ELOVL5: variants seen among roughly 807,000 people sequenced by gnomAD.
ELOVL5 encodes very long chain fatty acid elongase 5.
In ELOVL5, 8 loss-of-function variants were observed where a neutral mutation model predicts 38.6. The observed-to-expected ratio is 0.21, with a 90% CI of 0.12 to 0.37. The LOEUF (loss-of-function observed/expected upper bound fraction) is 0.37. ELOVL5 is among the 10% of genes least tolerant of loss of function. The pLI is 1.00. For missense variants in ELOVL5, 280 were observed against 367.8 expected (o/e 0.76, Z 1.95); for synonymous variants, 127 against 133.7 (o/e 0.95, Z 0.34).
At chr6:53,278,633 C>T (rs1391621947) in intron 3 of ELOVL5, among the ~76,000 whole-genome samples, 9 of 152,044 alleles carry the variant, frequency 5.9e-5, no homozygotes, top group Non-Finnish European at 1.3e-4. Context: ...GAACTTTTTT[C>T]ACTCCTGAAG....
chr6:53,294,276 G>T, intron 2 of ELOVL5: 1 of 1,557,876 alleles, frequency 6.4e-7, no homozygotes, highest in East Asian at 2.4e-5. Context: ...CCCCTCTGGT[G>T]GCTGGTTCAG....
intron 1 of ELOVL5, among the ~76,000 whole-genome samples, chr6:53,333,414 G>GA (rs991050861): frequency 6.6e-6 from 1 of 152,134 alleles, no homozygotes; most frequent in Non-Finnish European, 1.5e-5. Context: ...AAGAATGGGG[G>GA]AAAAAATCAT....
chr6:53,305,156 G>A lies in ELOVL5; in HGVS notation c.-8-9449C>T, dbSNP rs866009570. Among the ~76,000 whole-genome samples the A allele has an allele frequency of 3.8e-3, 544 of 143,632 alleles. 11 individuals carry two copies. The highest frequency in any genetic ancestry group is 0.013 in the African/African-American group (511 of 38,456). The allele number at this position is 143,632 out of a possible 152,430, so 94.2% of individuals were successfully genotyped here. ...GGGGCGGCTCGCCGGGCAGGGGGCT[G>A]ACCCCCCCACCTCCCTCCCGGACGG... On this transcript the variant is annotated intron_variant, in intron 1 of 7. Coordinates refer to ENST00000304434, the MANE Select transcript of ELOVL5 (RefSeq NM_021814.5).
At chr6:53,322,814 TCAAA>T (rs1768352330) in intron 1 of ELOVL5, among the ~76,000 whole-genome samples, 1 of 152,226 alleles carries the variant, frequency 6.6e-6, no homozygotes, top group Admixed American at 6.5e-5. Context: ...TGTTACAGCA[TCAAA>T]CAAAGCTTGC....
chr6:53,322,173 G>C (rs999872256), intron 1 of ELOVL5, among the ~76,000 whole-genome samples: 10 of 152,128 alleles, frequency 6.6e-5, no homozygotes, highest in African/African-American at 2.4e-4. Flanking sequence ...TTAAAAAACT[G>C]AATCTACAAA....
intron 1 of ELOVL5, among the ~76,000 whole-genome samples, chr6:53,329,818 C>A (rs979082541): frequency 6.6e-6 from 1 of 151,876 alleles, no homozygotes; most frequent in Admixed American, 6.6e-5. Context: ...AGCAAGACTT[C>A]GTCTCAGAAA....
intron 1 of ELOVL5, among the ~76,000 whole-genome samples, chr6:53,339,803 G>A (rs1363955251): frequency 6.6e-6 from 1 of 152,138 alleles, no homozygotes; most frequent in Non-Finnish European, 1.5e-5. Flanking sequence ...CATTAATTGA[G>A]TGTACACCTT....
intron 1 of ELOVL5, among the ~76,000 whole-genome samples, chr6:53,302,510 A>G (rs1282559978): frequency 6.6e-6 from 1 of 152,152 alleles, no homozygotes; most frequent in Admixed American, 6.6e-5. Context: ...CGTCTCAAGG[A>G]GAGTGCAAAT....
At chr6:53,313,651 C>G (rs1444672555) in intron 1 of ELOVL5, among the ~76,000 whole-genome samples, 1 of 152,218 alleles carries the variant, frequency 6.6e-6, no homozygotes, top group African/African-American at 2.4e-5. Flanking sequence ...CATGAGCCAC[C>G]ATGCCTGGCT....
At chr6:53,310,435 A>AGGG (rs70980839) in intron 1 of ELOVL5, among the ~76,000 whole-genome samples, 2 of 151,240 alleles carry the variant, frequency 1.3e-5, no homozygotes, top group East Asian at 1.9e-4. Context: ...TTCTTGGGGG[A>AGGG]TTTTCCGGGA....
chr6:53,291,214 A>G (rs558059099), intron 3 of ELOVL5, among the ~76,000 whole-genome samples: 10 of 152,226 alleles, frequency 6.6e-5, no homozygotes, highest in Non-Finnish European at 1.5e-4. Context: ...GTGATATAAA[A>G]TAACTGGGCC....
chr6:53,319,293 A>C (rs1581974237), intron 1 of ELOVL5, among the ~76,000 whole-genome samples: 1 of 36,208 alleles, frequency 2.8e-5, no homozygotes, highest in Admixed American at 2.8e-4. Flanking sequence ...AAAAAAAAAA[A>C]AAAAAAAAAA....
At chr6:53,340,172 A>T (rs895423420) in intron 1 of ELOVL5, among the ~76,000 whole-genome samples, 1 of 152,144 alleles carries the variant, frequency 6.6e-6, no homozygotes, top group Non-Finnish European at 1.5e-5. Flanking sequence ...AAAAAAGTTT[A>T]AAAAATTTAT....
At chr6:53,298,905 G>GT (rs1334270313) in intron 1 of ELOVL5, among the ~76,000 whole-genome samples, 3 of 149,602 alleles carry the variant, frequency 2.0e-5, no homozygotes, top group Non-Finnish European at 4.4e-5. Context: ...CAAGGCGGGG[G>GT]GGGGGAGTTG....
chr6:53,294,458 G>A lies in ELOVL5; in HGVS notation c.58+1184C>T, dbSNP rs1226377180. ...TAGCCATCCTACAACTGTGTGAAGTGGGGGACCCATTCTGAGGACAGAGCT... is the reference window on the plus strand; with the variant it reads ...TAGCCATCCTACAACTGTGTGAAGTAGGGGACCCATTCTGAGGACAGAGCT... On this transcript the variant is annotated intron_variant, in intron 2 of 7. Transcript: ENST00000304434. 4 of 1,550,538 alleles carry A rather than the reference G, an allele frequency of 2.6e-6. No homozygotes were observed. The South Asian group carries it at 3.6e-5, about 14-fold the overall frequency.
At chr6:53,340,016 G>A (rs1769260358) in intron 1 of ELOVL5, among the ~76,000 whole-genome samples, 1 of 152,022 alleles carries the variant, frequency 6.6e-6, no homozygotes, top group Admixed American at 6.6e-5. Flanking sequence ...AGGCTAATGT[G>A]TATGTTTGTT....
intron 1 of ELOVL5, among the ~76,000 whole-genome samples, chr6:53,304,831 T>C (rs1223637004): frequency 7.0e-5 from 9 of 128,868 alleles, no homozygotes; most frequent in Non-Finnish European, 1.3e-4. Context: ...TACTTCTTTC[T>C]ACACAGCACA....
At chr6:53,302,904 T>TA (rs1375059044) in intron 1 of ELOVL5, among the ~76,000 whole-genome samples, 1 of 152,138 alleles carries the variant, frequency 6.6e-6, no homozygotes, top group African/African-American at 2.4e-5. Context: ...ACTTTTTTTT[T>TA]AACGGTTATT....
intron 1 of ELOVL5, among the ~76,000 whole-genome samples, chr6:53,309,531 G>C (rs1561880626): frequency 6.6e-6 from 1 of 152,202 alleles, no homozygotes; most frequent in Non-Finnish European, 1.5e-5. Flanking sequence ...ATGGGAGGCA[G>C]AGTCTAAGAT....
Sources: allele counts gnomAD v4.1 joint callset (sites outside exome capture counted in the v4.1 genomes callset), GRCh38; gene constraint gnomAD v4.1.1; transcripts MANE v1.5; gene names NCBI Gene and HGNC (gene_info 2026-07-23, HGNC 2026-07-21).